The following BMPR1B variants were observed in gnomAD, a reference collection of about 807,000 sequenced individuals.
The protein encoded by BMPR1B is bone morphogenetic protein receptor type-1B.
Under a neutral mutation model 59.1 loss-of-function variants are expected in BMPR1B, and 12 were observed. The observed-to-expected ratio is 0.20, with a 90% CI of 0.13 to 0.33. The LOEUF (loss-of-function observed/expected upper bound fraction) is 0.33. Ranked by LOEUF, BMPR1B falls within the 10% of genes least tolerant of loss-of-function variation. BMPR1B has a pLI of 1.00. For missense variants in BMPR1B, 550 were observed against 610.9 expected, an observed-to-expected ratio of 0.90 and a Z score of 1.05; for synonymous variants, 237 against 207.3, an observed-to-expected ratio of 1.14 and a Z score of -1.23.
intron 3 of BMPR1B, among the ~76,000 whole-genome samples, chr4:95,077,601 A>C (rs1728808768): frequency 6.6e-6 from 1 of 152,184 alleles, no homozygotes; most frequent in Non-Finnish European, 1.5e-5. Flanking sequence ...TAAATTTTAA[A>C]GTGAATGTGA....
At chr4:94,795,652 C>T (rs761906040) in intron 1 of BMPR1B, among the ~76,000 whole-genome samples, 17 of 151,750 alleles carry the variant, frequency 1.1e-4, no homozygotes, top group Middle Eastern at 3.2e-3. Flanking sequence ...TTAGTAGAGA[C>T]GGGGTTTCAC....
chr4:95,101,674 A>C lies in BMPR1B; in HGVS notation c.-17-2734A>C, dbSNP rs192351459. Among the ~76,000 whole-genome samples, 3 of 152,224 alleles carry C rather than the reference A, an allele frequency of 2.0e-5. No homozygotes were observed. In the East Asian group the frequency reaches 5.8e-4, roughly 29 times the overall value. ...ATTTACTCTCTAATTATTAACTCTA[A>C]TATTTCATTAGATTATTCAAAATTT... On this transcript the variant is annotated intron_variant, in intron 3 of 12. Coordinates refer to ENST00000515059, the MANE Select transcript of BMPR1B (RefSeq NM_001203.3).
chr4:95,101,618 TG>T (rs1560653844), intron 3 of BMPR1B, among the ~76,000 whole-genome samples: 1 of 152,112 alleles, frequency 6.6e-6, no homozygotes, highest in Non-Finnish European at 1.5e-5. Flanking sequence ...AATCAGCTTT[TG>T]TAGCTTTATT....
At chr4:95,071,528 C>T (rs1474162985) in intron 3 of BMPR1B, among the ~76,000 whole-genome samples, 1 of 151,516 alleles carries the variant, frequency 6.6e-6, no homozygotes, top group Non-Finnish European at 1.5e-5. Context: ...AATGGTTTGC[C>T]AGTCTGAGCT....
At chr4:94,990,095 T>C (rs1337577106) in intron 2 of BMPR1B, among the ~76,000 whole-genome samples, 2 of 152,188 alleles carry the variant, frequency 1.3e-5, no homozygotes, top group Non-Finnish European at 2.9e-5. Context: ...TGGTGGCTCA[T>C]GCCTATAATC....
At chr4:95,111,696 T>G (rs1731644431) in intron 4 of BMPR1B, among the ~76,000 whole-genome samples, 1 of 152,104 alleles carries the variant, frequency 6.6e-6, no homozygotes, top group Non-Finnish European at 1.5e-5. Context: ...TATGTTCACC[T>G]GGGCACACTG....
chr4:94,848,762 T>C (rs1725447318), intron 1 of BMPR1B, among the ~76,000 whole-genome samples: 1 of 152,090 alleles, frequency 6.6e-6, no homozygotes, highest in Non-Finnish European at 1.5e-5. Context: ...CGGTTCCAGG[T>C]GGGCTAGAAT....
intron 3 of BMPR1B, among the ~76,000 whole-genome samples, chr4:95,027,096 T>C (rs1200532785): frequency 6.6e-6 from 1 of 152,176 alleles, no homozygotes; most frequent in East Asian, 1.9e-4. Flanking sequence ...TTTCACGTTA[T>C]CAATAGTACA....
intron 2 of BMPR1B, among the ~76,000 whole-genome samples, chr4:94,972,797 C>A (rs939812642): frequency 2.6e-5 from 4 of 152,060 alleles, no homozygotes; most frequent in African/African-American, 9.7e-5. Flanking sequence ...ATAATGCTGG[C>A]CTTAAATTAT....
intron 11 of BMPR1B, among the ~76,000 whole-genome samples, 161 bp downstream of exon 11, chr4:95,149,084 G>A (rs1230483936): frequency 6.6e-6 from 1 of 151,960 alleles, no homozygotes; most frequent in African/African-American, 2.4e-5. Flanking sequence ...AATTATATTC[G>A]ACATCCTAGA....
chr4:94,943,070 G>T (rs1050365796), intron 2 of BMPR1B, among the ~76,000 whole-genome samples: 2 of 151,778 alleles, frequency 1.3e-5, no homozygotes, highest in Non-Finnish European at 2.9e-5. Flanking sequence ...GAATATCCCA[G>T]TATATGCAGA....
intron 1 of BMPR1B, among the ~76,000 whole-genome samples, chr4:94,868,077 A>G (rs960518599): frequency 6.7e-6 from 1 of 149,744 alleles, no homozygotes; most frequent in Non-Finnish European, 1.5e-5. Flanking sequence ...TGCCCAGTCT[A>G]ATCTAGAAGT....
At chr4:95,058,558 AG>A (rs756028398) in intron 3 of BMPR1B, among the ~76,000 whole-genome samples, 3 of 152,178 alleles carry the variant, frequency 2.0e-5, no homozygotes, top group Admixed American at 6.5e-5. Flanking sequence ...TTAATGTAAC[AG>A]GACATCTTAA....
intron 1 of BMPR1B, among the ~76,000 whole-genome samples, chr4:94,767,618 A>G (rs1722018980): frequency 6.6e-6 from 1 of 152,204 alleles, no homozygotes; most frequent in South Asian, 2.1e-4. Flanking sequence ...CTCTGAAGAG[A>G]AAAACCATAC....
intron 10 of BMPR1B, among the ~76,000 whole-genome samples, chr4:95,139,715 GGCGTGGGACCCTCGGAGCCAT>G (rs1157065195): frequency 6.6e-6 from 1 of 151,618 alleles, no homozygotes; most frequent in Admixed American, 6.6e-5. Context: ...CTCCGAGCCG[GGCGTGGGACCCTCGGAGCCAT>G]GCGCGGGATA....
At chr4:94,983,155 G>C (rs756458866) in intron 2 of BMPR1B, among the ~76,000 whole-genome samples, 7 of 152,080 alleles carry the variant, frequency 4.6e-5, no homozygotes, top group Non-Finnish European at 1.5e-5. Flanking sequence ...CAAGGGCTCT[G>C]CTTTAAGCAG....
Position 94,831,241 on chromosome 4 carries a change from A to AC in BMPR1B, c.-182-44590_-182-44589insC, listed in dbSNP as rs1220976628. On this transcript the variant is annotated intron_variant, in intron 1 of 12. Coordinates refer to ENST00000515059, the MANE Select transcript of BMPR1B (RefSeq NM_001203.3). ...CAAGAAAGTTTAAAAAGTAAAAAAA[A>AC]AAAAAAAAAACGTAGAAGAAAGCTT... 5.6e-4 allele frequency among the ~76,000 whole-genome samples: 66 copies of AC among 118,404 alleles called. 1 individual carries two copies. The highest frequency in any genetic ancestry group is 1.8e-3 in the African/African-American group (59 of 32,376). The allele number at this position is 118,404 out of a possible 152,430, so 77.7% of individuals were successfully genotyped here. A position where few individuals can be genotyped will look rare whatever the true frequency, so the allele number is the denominator to read the frequency against.
intron 1 of BMPR1B, among the ~76,000 whole-genome samples, chr4:94,831,617 C>G (rs901141266): frequency 6.6e-6 from 1 of 152,156 alleles, no homozygotes; most frequent in Non-Finnish European, 1.5e-5. Flanking sequence ...TTTATTTTTA[C>G]TGTACCTTTT....
chr4:95,045,992 C>G (rs1467567545), intron 3 of BMPR1B, among the ~76,000 whole-genome samples: 1 of 152,106 alleles, frequency 6.6e-6, no homozygotes, highest in East Asian at 1.9e-4. Context: ...CTTCAGTATA[C>G]TTCTACTTCA....
Sources: allele counts gnomAD v4.1 joint callset (sites outside exome capture counted in the v4.1 genomes callset), GRCh38; gene constraint gnomAD v4.1.1; transcripts MANE v1.5; gene names NCBI Gene and HGNC (gene_info 2026-07-23, HGNC 2026-07-21).